Variants in ZSWIM6 observed in about 807,000 individuals in gnomAD.
The protein encoded by ZSWIM6 is zinc finger SWIM domain-containing protein 6.
Under a neutral mutation model 113.2 loss-of-function variants are expected in ZSWIM6, and 9 were observed. The observed-to-expected ratio is 0.08, with a 90% CI of 0.05 to 0.14. ZSWIM6 has a LOEUF of 0.14. Among genes scored for constraint, ZSWIM6 ranks in the 10% least tolerant of loss-of-function variants. The probability of loss-of-function intolerance (pLI) is 1.00; values close to 1 mark genes in which losing one functional copy is unlikely to be tolerated. For missense variants in ZSWIM6, 1,162 were observed against 1,552.2 expected (o/e 0.75, Z 4.22); for synonymous variants, 611 against 606.5 (o/e 1.01, Z -0.11).
chr5:61,456,092 A>G (rs1188465509), intron 1 of ZSWIM6, among the ~76,000 whole-genome samples: 2 of 152,090 alleles, frequency 1.3e-5, no homozygotes, highest in African/African-American at 4.8e-5. Context: ...TAAGGTATCA[A>G]TCTTTTATTT....
intron 1 of ZSWIM6, among the ~76,000 whole-genome samples, chr5:61,414,019 GGAGA>G (rs1746195959): frequency 6.6e-6 from 1 of 152,082 alleles, no homozygotes. Flanking sequence ...AGCAGTATGA[GGAGA>G]GAGTGATACC....
At chr5:61,389,466 A>C (rs1266425532) in intron 1 of ZSWIM6, among the ~76,000 whole-genome samples, 1 of 149,576 alleles carries the variant, frequency 6.7e-6, no homozygotes, top group African/African-American at 2.5e-5. Context: ...GAGGCAGGAG[A>C]ATTGCTTTAA....
intron 1 of ZSWIM6, among the ~76,000 whole-genome samples, chr5:61,356,179 C>T (rs2112046068): frequency 6.6e-6 from 1 of 152,322 alleles, no homozygotes; most frequent in East Asian, 1.9e-4. Context: ...TAGCTCACTG[C>T]AGCCCCGAAC....
chr5:61,333,861 G>C (rs544853690), intron 1 of ZSWIM6, among the ~76,000 whole-genome samples: 1 of 152,208 alleles, frequency 6.6e-6, no homozygotes, highest in African/African-American at 2.4e-5. Flanking sequence ...TGCCCCGGGC[G>C]AGCCGCGGTC....
At chr5:61,440,888 C>G (rs1353143432) in intron 1 of ZSWIM6, among the ~76,000 whole-genome samples, 1 of 152,168 alleles carries the variant, frequency 6.6e-6, no homozygotes, top group Non-Finnish European at 1.5e-5. Flanking sequence ...GGCATATAAA[C>G]AATTCACTAT....
intron 1 of ZSWIM6, chr5:61,375,277 A>G (rs1745348894): frequency 1.2e-6 from 2 of 1,611,914 alleles, no homozygotes; most frequent in Admixed American, 1.7e-5. Flanking sequence ...GAAAGGCTCC[A>G]AGGCTTTGGC....
At position 61,521,345 on chromosome 5, in the gene ZSWIM6, G is replaced by C; in HGVS notation, c.1416G>C (p.Trp472Cys). ...KASWLKQLKK[W>C]NSVDVCPWED... The stretch of plus-strand genomic sequence containing the variant: ...GTTGGCTAAAACAGCTGAAGAAATG[G>C]AATAGTGTTGATGTCTGTCCATGGG... Residue 472 changes from tryptophan to cysteine, a missense_variant, in exon 5 of 14, where the codon TGG becomes TGC. Coordinates refer to ENST00000252744, the MANE Select transcript of ZSWIM6 (RefSeq NM_020928.2). The C allele has an allele frequency of 6.5e-7, 1 of 1,527,382 alleles. No individual in the cohort carries two copies. Among genetic ancestry groups the C allele is most frequent in the Non-Finnish European group, 8.8e-7 (1 of 1,135,932 alleles). 94.6% of individuals were successfully genotyped at this position (1,527,382 alleles called of 1,614,324 possible). A position where few individuals can be genotyped will look rare whatever the true frequency, so the allele number is the denominator to read the frequency against.
At chr5:61,333,231 C>T (rs942542733) in intron 1 of ZSWIM6, among the ~76,000 whole-genome samples, 9 of 151,958 alleles carry the variant, frequency 5.9e-5, no homozygotes, top group African/African-American at 1.4e-4. Flanking sequence ...CCTACCCGCC[C>T]TCCTCCGGGG....
intron 1 of ZSWIM6, among the ~76,000 whole-genome samples, chr5:61,428,865 C>A (rs1284367438): frequency 6.6e-6 from 1 of 151,774 alleles, no homozygotes; most frequent in Non-Finnish European, 1.5e-5. Flanking sequence ...TGTTTGATTT[C>A]TGGGTAGTTT....
At chr5:61,539,494 T>C in intron 11 of ZSWIM6, 102 bp from the exon 12 acceptor site, 1 of 1,332,102 alleles carries the variant, frequency 7.5e-7, no homozygotes, top group Non-Finnish European at 1.0e-6. Flanking sequence ...TTGTTTCTTT[T>C]TTCCCCCTCT....
rs1409060041 is a variant in ZSWIM6, at chr5:61,392,745, C to T, written c.676+59797C>T. 4.6e-5 allele frequency among the ~76,000 whole-genome samples: 7 copies of T among 151,586 alleles called. No homozygotes were observed. In the East Asian group the frequency reaches 7.8e-4, roughly 17 times the overall value. On this transcript the variant is annotated intron_variant, in intron 1 of 13. Coordinates refer to ENST00000252744, the MANE Select transcript of ZSWIM6 (RefSeq NM_020928.2). ...CTCCTGCCTCAGCCTCCTGAGTAGC[C>T]GGGATTACAGGCATCCGTCACCACC...
At chr5:61,487,850 C>T (rs1199786907) in intron 2 of ZSWIM6, among the ~76,000 whole-genome samples, 1 of 151,932 alleles carries the variant, frequency 6.6e-6, no homozygotes, top group Non-Finnish European at 1.5e-5. Context: ...TCTTCTTTTC[C>T]AATTTGGATG....
chr5:61,374,797 C>T (rs563114587), intron 1 of ZSWIM6, among the ~76,000 whole-genome samples: 2 of 152,154 alleles, frequency 1.3e-5, no homozygotes, highest in Non-Finnish European at 2.9e-5. Context: ...CCTCATGATC[C>T]GCCCGCCTCG....
intron 1 of ZSWIM6, among the ~76,000 whole-genome samples, chr5:61,397,297 CTTAAAT>C (rs978377686): frequency 2.6e-5 from 4 of 152,242 alleles, no homozygotes; most frequent in African/African-American, 9.6e-5. Flanking sequence ...AATGAGTTTT[CTTAAAT>C]TTAAATACAT....
intron 1 of ZSWIM6, among the ~76,000 whole-genome samples, chr5:61,462,627 C>T (rs1747343712): frequency 6.6e-6 from 1 of 152,186 alleles, no homozygotes; most frequent in Admixed American, 6.5e-5. Context: ...AGTGCACTTA[C>T]ACTAACGGGC....
chr5:61,395,745 GTAAGCCA>G (rs1374682053), intron 1 of ZSWIM6, among the ~76,000 whole-genome samples: 6 of 152,080 alleles, frequency 3.9e-5, no homozygotes, highest in African/African-American at 1.4e-4. Context: ...GTTTTTATAA[GTAAGCCA>G]CAGTAGGCCA....
At chr5:61,438,383 G>C (rs11958102) in intron 1 of ZSWIM6, among the ~76,000 whole-genome samples, 23,481 of 152,048 alleles carry the variant, frequency 0.15, 1,894 homozygotes, top group Middle Eastern at 0.22. Context: ...ACTATATTCA[G>C]GAGTAAGGAA....
At chr5:61,372,819 G>T (rs1165555693) in intron 1 of ZSWIM6, among the ~76,000 whole-genome samples, 1 of 152,026 alleles carries the variant, frequency 6.6e-6, no homozygotes, top group African/African-American at 2.4e-5. Context: ...TCATTTCTGA[G>T]TTGTTCAAGT....
chr5:61,471,310 G>A, intron 1 of ZSWIM6, among the ~76,000 whole-genome samples: 1 of 152,196 alleles, frequency 6.6e-6, no homozygotes, highest in Non-Finnish European at 1.5e-5. Context: ...GAGAGAGAGA[G>A]AGAGGGTGGA....
Sources: allele counts gnomAD v4.1 joint callset (sites outside exome capture counted in the v4.1 genomes callset), GRCh38; gene constraint gnomAD v4.1.1; transcripts MANE v1.5; gene names NCBI Gene and HGNC (gene_info 2026-07-23, HGNC 2026-07-21).